The following PDE4B variants were observed in gnomAD, a reference collection of about 807,000 sequenced individuals.
The protein encoded by PDE4B is 3',5'-cyclic-AMP phosphodiesterase 4B.
Under a neutral mutation model 82.2 loss-of-function variants are expected in PDE4B, and 20 were observed. That is an observed-to-expected ratio of 0.24 (90% CI 0.17 to 0.35). PDE4B has a LOEUF of 0.35. Among genes scored for constraint, PDE4B ranks in the 10% least tolerant of loss-of-function variants. The pLI is 1.00. For missense variants in PDE4B, 655 were observed against 907.2 expected (o/e 0.72, Z 3.57); for synonymous variants, 320 against 318.9 (o/e 1.00, Z -0.04).
chr1:65,793,444 G>A (rs1292919802), intron 1 of PDE4B, among the ~76,000 whole-genome samples, 196 bp downstream of exon 1: 2 of 152,228 alleles, frequency 1.3e-5, no homozygotes, highest in Non-Finnish European at 2.9e-5. Context: ...CCGGCCCCTA[G>A]CCTTTCGCCC....
intron 3 of PDE4B, among the ~76,000 whole-genome samples, chr1:66,086,649 C>A (rs1052302394): frequency 1.3e-5 from 2 of 152,126 alleles, no homozygotes; most frequent in East Asian, 3.9e-4. Context: ...ACATTTGACT[C>A]TTTGTTTCTG....
chr1:66,207,952 T>A (rs1244886002), intron 3 of PDE4B, among the ~76,000 whole-genome samples: 1 of 152,222 alleles, frequency 6.6e-6, no homozygotes, highest in Non-Finnish European at 1.5e-5. Context: ...ATTAATAGTG[T>A]AGCTTCCCAG....
chr1:66,158,420 A>G lies in PDE4B; in HGVS notation c.282-89040A>G, dbSNP rs915037086. ...GACAGGTATGTCAAAAAAATATTCAACATCACTAATTGTCAGGGAAATGCA... is the reference window on the plus strand; with the variant it reads ...GACAGGTATGTCAAAAAAATATTCAGCATCACTAATTGTCAGGGAAATGCA... On this transcript the variant is annotated intron_variant, in intron 3 of 16. Coordinates refer to ENST00000341517, the MANE Select transcript of PDE4B (RefSeq NM_002600.4). Among the ~76,000 whole-genome samples the G allele has an allele frequency of 1.1e-4, 16 of 152,336 alleles. 1 individual carries two copies. The Middle Eastern group carries it at 0.01, about 97-fold the overall frequency.
At chr1:65,830,694 A>G (rs942320179) in intron 1 of PDE4B, among the ~76,000 whole-genome samples, 16 of 152,158 alleles carry the variant, frequency 1.1e-4, no homozygotes, top group Admixed American at 1.3e-4. Flanking sequence ...AAGCTCTCCC[A>G]GACAACAGAA....
intron 3 of PDE4B, among the ~76,000 whole-genome samples, chr1:66,178,873 C>T (rs111711736): frequency 5.3e-5 from 8 of 151,836 alleles, no homozygotes; most frequent in Admixed American, 3.9e-4. Context: ...TTTTTTGAGA[C>T]GGAGTTTCAA....
chr1:66,239,741 T>A (rs1652735502), intron 3 of PDE4B, among the ~76,000 whole-genome samples: 1 of 152,162 alleles, frequency 6.6e-6, no homozygotes, highest in Non-Finnish European at 1.5e-5. Context: ...TCCTAAGCAT[T>A]TGAAACAAAA....
At chr1:66,358,595 A>G (rs1662464904) in intron 9 of PDE4B, among the ~76,000 whole-genome samples, 1 of 151,488 alleles carries the variant, frequency 6.6e-6, no homozygotes, top group African/African-American at 2.4e-5. Flanking sequence ...AATCACTTGA[A>G]TCCAGGAGAT....
intron 3 of PDE4B, among the ~76,000 whole-genome samples, chr1:66,226,725 G>A (rs957699022): frequency 1.3e-5 from 2 of 152,202 alleles, no homozygotes; most frequent in Non-Finnish European, 2.9e-5. Flanking sequence ...ATAGGCTATC[G>A]TAAGGATTTT....
chr1:66,246,671 G>A lies in PDE4B; in HGVS notation c.282-789G>A, dbSNP rs140816607. 4.4e-3 allele frequency among the ~76,000 whole-genome samples: 677 copies of A among 152,288 alleles called. 6 individuals are homozygous for A. Among genetic ancestry groups the A allele is most frequent in the African/African-American group, 0.015 (637 of 41,556 alleles). On this transcript the variant is annotated intron_variant, in intron 3 of 16. Transcript: ENST00000341517. ...AAGAGACAAAATCTCTACTGCTCCCGTCTGTGTGTTCATTGATCAGAGCAT... is the reference window on the plus strand; with the variant it reads ...AAGAGACAAAATCTCTACTGCTCCCATCTGTGTGTTCATTGATCAGAGCAT...
intron 1 of PDE4B, among the ~76,000 whole-genome samples, chr1:65,892,428 T>A (rs1240397581): frequency 6.6e-6 from 1 of 152,186 alleles, no homozygotes; most frequent in Admixed American, 6.6e-5. Context: ...TTAAAGGGAA[T>A]CACCAAGCAA....
intron 7 of PDE4B, among the ~76,000 whole-genome samples, chr1:66,301,692 T>A (rs1472489574): frequency 6.6e-6 from 1 of 152,110 alleles, no homozygotes; most frequent in African/African-American, 2.4e-5. Context: ...ATAAAAATAC[T>A]AAAGTTCATT....
chr1:66,202,278 A>G (rs76309585), intron 3 of PDE4B, among the ~76,000 whole-genome samples: 28,326 of 151,074 alleles, frequency 0.19, 2,816 homozygotes, highest in African/African-American at 0.2. Flanking sequence ...TATGTGGTCA[A>G]TTTTGGAATA....
chr1:66,077,268 A>T (rs908137077), intron 3 of PDE4B, among the ~76,000 whole-genome samples: 5 of 152,164 alleles, frequency 3.3e-5, no homozygotes, highest in Non-Finnish European at 7.4e-5. Flanking sequence ...CACTCAGATG[A>T]TTACAATACA....
At chr1:65,849,007 A>G (rs1379798103) in intron 1 of PDE4B, among the ~76,000 whole-genome samples, 2 of 152,126 alleles carry the variant, frequency 1.3e-5, no homozygotes, top group Admixed American at 1.3e-4. Context: ...ATAGAATACT[A>G]TCATTAGACC....
chr1:66,145,714 A>G (rs1396874330), intron 3 of PDE4B, among the ~76,000 whole-genome samples: 1 of 152,198 alleles, frequency 6.6e-6, no homozygotes, highest in Non-Finnish European at 1.5e-5. Flanking sequence ...AAAAGCTTTT[A>G]TGCCTTAATT....
intron 2 of PDE4B, among the ~76,000 whole-genome samples, chr1:65,915,454 A>G (rs1647148723): frequency 6.6e-6 from 1 of 152,212 alleles, no homozygotes; most frequent in South Asian, 2.1e-4. Flanking sequence ...GTACCGAAGC[A>G]CAGTAGGAGA....
chr1:66,146,481 G>T (rs1283051970), intron 3 of PDE4B, among the ~76,000 whole-genome samples: 1 of 152,114 alleles, frequency 6.6e-6, no homozygotes, highest in South Asian at 2.1e-4. Context: ...ACCGTGCCTG[G>T]CCTGGGCAGT....
chr1:65,926,887 T>G (rs984305799), intron 3 of PDE4B, among the ~76,000 whole-genome samples: 16 of 151,788 alleles, frequency 1.1e-4, no homozygotes, highest in Non-Finnish European at 2.9e-5. Context: ...AACAGACATA[T>G]AGAGGAACAA....
intron 3 of PDE4B, among the ~76,000 whole-genome samples, chr1:66,208,011 C>T (rs1300118895): frequency 2.0e-5 from 3 of 152,124 alleles, no homozygotes; most frequent in African/African-American, 7.2e-5. Context: ...ATTACTTAGA[C>T]TAATTTTAAA....
Sources: gnomAD v4.1 joint callset for allele counts (sites outside exome capture counted in the v4.1 genomes callset) on GRCh38, gnomAD v4.1.1 for gene constraint, MANE v1.5 for transcripts, NCBI Gene and HGNC (gene_info 2026-07-23, HGNC 2026-07-21) for gene names.